The following TBCK variants were observed in gnomAD, a reference collection of about 807,000 sequenced individuals.
TBCK encodes the protein TBC1 domain containing kinase, also known as TBC domain-containing protein kinase-like protein.
TBCK carries 99 observed loss-of-function variants against 113.4 expected under a neutral mutation model. The observed-to-expected ratio is 0.87, with a 90% CI of 0.74 to 1.03. TBCK has a LOEUF of 1.03. TBCK is among the 50% of genes least tolerant of loss of function. TBCK has a pLI of 0.00. For missense variants in TBCK, 1,045 were observed against 1,061.3 expected (o/e 0.98, Z 0.21); for synonymous variants, 369 against 370.8 (o/e 1.00, Z 0.05).
intron 25 of TBCK, among the ~76,000 whole-genome samples, chr4:106,070,126 C>T (rs918842093): frequency 6.6e-6 from 1 of 152,100 alleles, no homozygotes; most frequent in African/African-American, 2.4e-5. Flanking sequence ...ATTGAATACC[C>T]TTTATTTCTT....
At chr4:106,299,456 G>A (rs957235007) in intron 2 of TBCK, among the ~76,000 whole-genome samples, 12 of 152,102 alleles carry the variant, frequency 7.9e-5, no homozygotes, top group African/African-American at 2.9e-4. Context: ...CAAAGTATCT[G>A]GCACAACTAA....
rs558741882 is a variant in TBCK, at chr4:106,203,442, A to G, written c.1861-8688T>C. Among the ~76,000 whole-genome samples the G allele has an allele frequency of 2.0e-5, 3 of 151,972 alleles. No individual in the cohort carries two copies. In the South Asian group the frequency reaches 6.2e-4, roughly 31 times the overall value. The stretch of plus-strand genomic sequence containing the variant: ...AAAATGACTTAAACATATAAAAATA[A>G]TGTAAAAGATCCCTTGGACCCAAAA... On this transcript the variant is annotated intron_variant, in intron 20 of 25. Transcript: ENST00000394708.
chr4:106,217,839 G>A (rs1381462307), intron 19 of TBCK, among the ~76,000 whole-genome samples: 1 of 149,268 alleles, frequency 6.7e-6, no homozygotes, highest in East Asian at 2.0e-4. Context: ...AGCTACCAAT[G>A]ACTTTCTTCA....
intron 19 of TBCK, among the ~76,000 whole-genome samples, chr4:106,214,027 C>G (rs554623136): frequency 5.3e-5 from 8 of 152,148 alleles, no homozygotes; most frequent in Non-Finnish European, 1.2e-4. Flanking sequence ...GTCTGAGAAC[C>G]AGCAGACTGC....
intron 24 of TBCK, among the ~76,000 whole-genome samples, chr4:106,105,245 C>G (rs1302484416): frequency 6.6e-6 from 1 of 152,240 alleles, no homozygotes; most frequent in Non-Finnish European, 1.5e-5. Flanking sequence ...CAGGAAACTC[C>G]TGGCTTGGGC....
At chr4:106,208,372 A>G (rs1399415374) in intron 20 of TBCK, among the ~76,000 whole-genome samples, 2 of 142,872 alleles carry the variant, frequency 1.4e-5, no homozygotes, top group Non-Finnish European at 3.1e-5. Flanking sequence ...TTCCCTAATT[A>G]GTTTTTTACA....
chr4:106,307,599 T>A (rs891646233), intron 2 of TBCK, among the ~76,000 whole-genome samples: 1 of 152,102 alleles, frequency 6.6e-6, no homozygotes, highest in African/African-American at 2.4e-5. Flanking sequence ...TTGAAACACA[T>A]AAAATTGCCA....
intron 24 of TBCK, among the ~76,000 whole-genome samples, chr4:106,104,927 T>G (rs1741965411): frequency 6.6e-6 from 1 of 152,186 alleles, no homozygotes; most frequent in Non-Finnish European, 1.5e-5. Flanking sequence ...GGCAGACTAT[T>G]ACATGGGTTC....
At chr4:106,314,649 G>T in intron 1 of TBCK, among the ~76,000 whole-genome samples, 1 of 112,458 alleles carries the variant, frequency 8.9e-6, no homozygotes. Context: ...TTTTGAGACA[G>T]AGTCTCACTC....
chr4:106,192,280 A>AAAAT (rs1172604243), intron 22 of TBCK, among the ~76,000 whole-genome samples: 46 of 152,234 alleles, frequency 3.0e-4, no homozygotes, highest in African/African-American at 9.6e-4. Flanking sequence ...ATGTACAATC[A>AAAAT]GCATTCCTAA....
intron 25 of TBCK, among the ~76,000 whole-genome samples, chr4:106,051,476 G>A (rs536012606): frequency 1.3e-5 from 2 of 151,712 alleles, no homozygotes; most frequent in Non-Finnish European, 2.9e-5. Flanking sequence ...TTTTACTTTC[G>A]GTTGAGCATG....
At chr4:106,216,579 C>T (rs1468402576) in intron 19 of TBCK, among the ~76,000 whole-genome samples, 1 of 152,164 alleles carries the variant, frequency 6.6e-6, no homozygotes, top group Non-Finnish European at 1.5e-5. Flanking sequence ...TCAGAGAATA[C>T]TACAAACACC....
At chr4:106,253,870 AG>A (rs1217281880) in intron 5 of TBCK, among the ~76,000 whole-genome samples, 1 of 152,176 alleles carries the variant, frequency 6.6e-6, no homozygotes, top group Non-Finnish European at 1.5e-5. Context: ...GTGTACTCAC[AG>A]CTAAGATTTA....
At chr4:106,113,245 A>G (rs1743065630) in intron 24 of TBCK, among the ~76,000 whole-genome samples, 1 of 152,222 alleles carries the variant, frequency 6.6e-6, no homozygotes, top group Non-Finnish European at 1.5e-5. Context: ...GGCATCCCTT[A>G]TAACCTCCAA....
intron 25 of TBCK, among the ~76,000 whole-genome samples, chr4:106,060,145 T>C (rs1735875203): frequency 1.9e-5 from 1 of 53,662 alleles, no homozygotes; most frequent in Non-Finnish European, 4.0e-5. Context: ...CAGGTACTAA[T>C]GGAGAAACTG....
At chr4:106,268,783 G>GT (rs1350727879) in intron 3 of TBCK, among the ~76,000 whole-genome samples, 2 of 152,060 alleles carry the variant, frequency 1.3e-5, no homozygotes, top group East Asian at 3.8e-4. Context: ...GCTCTTTTAG[G>GT]TATCTGCAAC....
At chr4:106,239,688 A>G (rs1759875924) in intron 12 of TBCK, among the ~76,000 whole-genome samples, 1 of 152,036 alleles carries the variant, frequency 6.6e-6, no homozygotes, top group Non-Finnish European at 1.5e-5. Context: ...TTAAAAACAA[A>G]ATAAACAACC....
chr4:106,170,879 A>G (rs528767438), intron 23 of TBCK, among the ~76,000 whole-genome samples: 1 of 152,244 alleles, frequency 6.6e-6, no homozygotes, highest in Non-Finnish European at 1.5e-5. Flanking sequence ...AAAACTTGCT[A>G]CCTGGAGGAG....
intron 3 of TBCK, among the ~76,000 whole-genome samples, chr4:106,293,004 T>C (rs1765881730): frequency 6.6e-6 from 1 of 152,192 alleles, no homozygotes; most frequent in Admixed American, 6.5e-5. Flanking sequence ...GCCTTCTTTC[T>C]CCCAACTGGT....
Sources: gnomAD v4.1 joint callset for allele counts (sites outside exome capture counted in the v4.1 genomes callset) on GRCh38, gnomAD v4.1.1 for gene constraint, MANE v1.5 for transcripts, NCBI Gene and HGNC (gene_info 2026-07-23, HGNC 2026-07-21) for gene names.